DOCK1: variants seen among roughly 807,000 people sequenced by gnomAD.
The protein encoded by DOCK1 is dedicator of cytokinesis 1.
In DOCK1, 138 loss-of-function variants were observed where a neutral mutation model predicts 262.7. The observed-to-expected ratio is 0.53, with a 90% confidence interval of 0.46 to 0.61. The LOEUF is 0.61. Ranked by LOEUF, DOCK1 falls within the 20% of genes least tolerant of loss-of-function variation. The pLI is 0.00. For missense variants in DOCK1, 1,908 were observed against 2,370.7 expected (o/e 0.80, Z 4.05); for synonymous variants, 866 against 867.4 (o/e 1.00, Z 0.03).
intron 27 of DOCK1, among the ~76,000 whole-genome samples, chr10:127,212,281 T>A (rs558532389): frequency 4.8e-4 from 73 of 152,284 alleles, no homozygotes; most frequent in Non-Finnish European, 9.3e-4. Context: ...CAAGTAAAAG[T>A]GGTTTTAGAA....
At chr10:127,186,310 CA>C (rs1257566356) in intron 27 of DOCK1, among the ~76,000 whole-genome samples, 1 of 152,106 alleles carries the variant, frequency 6.6e-6, no homozygotes, top group Non-Finnish European at 1.5e-5. Flanking sequence ...TGGCAGAAGG[CA>C]AAGGAGAAGC....
At chr10:127,404,969 T>G (rs2067435424) in intron 40 of DOCK1, among the ~76,000 whole-genome samples, 1 of 152,220 alleles carries the variant, frequency 6.6e-6, no homozygotes, top group African/African-American at 2.4e-5. Context: ...GTGTTTGGCT[T>G]GTTTCACTCG....
chr10:126,929,895 C>T (rs997381241), intron 1 of DOCK1, among the ~76,000 whole-genome samples: 53 of 152,306 alleles, frequency 3.5e-4, no homozygotes, highest in East Asian at 3.5e-3. Context: ...GTGCAGCCAC[C>T]GCCACTGCGT....
chr10:127,408,503 G>T (rs959918447), intron 40 of DOCK1, among the ~76,000 whole-genome samples: 1 of 152,192 alleles, frequency 6.6e-6, no homozygotes, highest in African/African-American at 2.4e-5. Context: ...TGCTCGCCTC[G>T]GCTGTGTCTC....
chr10:127,395,812 G>T (rs887601512), intron 38 of DOCK1, among the ~76,000 whole-genome samples: 4 of 152,180 alleles, frequency 2.6e-5, no homozygotes, highest in Non-Finnish European at 5.9e-5. Context: ...CTTGAACAGG[G>T]TTAAAGCCAG....
chr10:126,955,425 T>C (rs1289374547), intron 1 of DOCK1, among the ~76,000 whole-genome samples: 1 of 152,190 alleles, frequency 6.6e-6, no homozygotes, highest in Non-Finnish European at 1.5e-5. Flanking sequence ...TAATTTATCA[T>C]AATTTTTGAA....
intron 19 of DOCK1, among the ~76,000 whole-genome samples, chr10:127,040,014 C>T (rs1052132301): frequency 2.6e-5 from 4 of 152,144 alleles, no homozygotes; most frequent in South Asian, 2.1e-4. Context: ...CAGCCCAATA[C>T]GTGCAGCTCC....
In DOCK1 at chr10:127,347,028, G is replaced by T. The variant is rs563083576; in HGVS notation, c.3224+3282G>T. ...GCCACGCGGCACACACGTGTGGAGG[G>T]TCAGCCCTATTTGTTGTAGTCTTCA... On this transcript the variant is annotated intron_variant, in intron 31 of 51. Transcript: ENST00000623213. 8.5e-4 allele frequency among the ~76,000 whole-genome samples: 129 copies of T among 152,328 alleles called. 1 individual carries two copies. Among genetic ancestry groups the T allele is most frequent in the African/African-American group, 3.1e-3 (128 of 41,574 alleles).
rs184053240 is a variant in DOCK1 at position 127,310,276 on chromosome 10, C to T, written c.3045-28730C>T. ...CATACCCCCACCCCACCCCCTTACC[C>T]CCACCCCTACAGCCTTCCTAATATA... On this transcript the variant is annotated intron_variant, in intron 29 of 51. Coordinates refer to ENST00000623213, the MANE Select transcript of DOCK1 (RefSeq NM_001290223.2). Among the ~76,000 whole-genome samples, 1,017 of 150,446 alleles carry T rather than the reference C, an allele frequency of 6.8e-3. 6 individuals carry two copies. Among genetic ancestry groups the T allele is most frequent in the Non-Finnish European group, 0.01 (683 of 67,666 alleles).
At chr10:127,424,950 G>C (rs1422243326) in intron 46 of DOCK1, among the ~76,000 whole-genome samples, 1 of 152,112 alleles carries the variant, frequency 6.6e-6, no homozygotes, top group Non-Finnish European at 1.5e-5. Context: ...GCTATAAATG[G>C]TAACCAAATA....
At chr10:127,282,715 A>C in intron 29 of DOCK1, among the ~76,000 whole-genome samples, 1 of 152,236 alleles carries the variant, frequency 6.6e-6, no homozygotes, top group East Asian at 1.9e-4. Context: ...TTGGGTAACA[A>C]GCATTCAGTT....
At chr10:126,945,650 T>C (rs1322220624) in intron 1 of DOCK1, among the ~76,000 whole-genome samples, 3 of 152,042 alleles carry the variant, frequency 2.0e-5, no homozygotes, top group Non-Finnish European at 2.9e-5. Context: ...ATGGAGTGAG[T>C]CAAATACTCT....
At chr10:126,983,036 T>G (rs2039093017) in intron 4 of DOCK1, among the ~76,000 whole-genome samples, 1 of 152,222 alleles carries the variant, frequency 6.6e-6, no homozygotes, top group African/African-American at 2.4e-5. Context: ...ATTCTGAGTC[T>G]CAATAAGTAG....
chr10:127,245,190 G>T (rs910080217), intron 27 of DOCK1, among the ~76,000 whole-genome samples: 3 of 152,176 alleles, frequency 2.0e-5, no homozygotes, highest in East Asian at 3.9e-4. Flanking sequence ...TTCCCAAAGG[G>T]CAGGGAGGAA....
intron 25 of DOCK1, among the ~76,000 whole-genome samples, chr10:127,113,555 C>T (rs938069635): frequency 6.6e-6 from 1 of 152,312 alleles, no homozygotes; most frequent in African/African-American, 2.4e-5. Flanking sequence ...AAAAGCCTTT[C>T]GTTGCCAGGT....
At chr10:126,954,917 G>A (rs1044158058) in intron 1 of DOCK1, among the ~76,000 whole-genome samples, 1,589 of 152,210 alleles carry the variant, frequency 0.01, 14 homozygotes, top group Non-Finnish European at 0.017. Context: ...TCAAGTCCCC[G>A]CTTTCAGTTA....
chr10:127,421,127 C>A (rs1372671687), intron 46 of DOCK1, among the ~76,000 whole-genome samples: 1 of 152,020 alleles, frequency 6.6e-6, no homozygotes, highest in East Asian at 2.0e-4. Flanking sequence ...CCATGTTGGC[C>A]AGGCTGGTCT....
At chr10:127,276,240 T>C (rs554346429) in intron 29 of DOCK1, among the ~76,000 whole-genome samples, 1 of 152,248 alleles carries the variant, frequency 6.6e-6, no homozygotes, top group South Asian at 2.1e-4. Flanking sequence ...GCTGTGTACA[T>C]AGGAACCAGA....
At chr10:127,023,388 G>A in intron 14 of DOCK1, 64 bp downstream of exon 14, 1 of 1,599,032 alleles carries the variant, frequency 6.3e-7, no homozygotes, top group Non-Finnish European at 8.5e-7. Context: ...GCTCACCTTG[G>A]CTCTGCTACA....
Sources: gnomAD v4.1 joint callset for allele counts (sites outside exome capture counted in the v4.1 genomes callset) on GRCh38, gnomAD v4.1.1 for gene constraint, MANE v1.5 for transcripts, NCBI Gene and HGNC (gene_info 2026-07-23, HGNC 2026-07-21) for gene names.